The following SMN1 variants were observed in gnomAD, a reference collection of about 807,000 sequenced individuals.
SMN1 encodes the protein survival motor neuron protein.
For missense variants in SMN1, 15 were observed against 17.1 expected, an observed-to-expected ratio of 0.88 and a Z score of 0.22; for synonymous variants, 3 against 5.1, an observed-to-expected ratio of 0.58 and a Z score of 0.56.
At chr5:70,958,909 T>C, downstream of SMN1, among the ~76,000 whole-genome samples, 1 of 150,144 alleles carries the variant, frequency 6.7e-6, no homozygotes, top group East Asian at 1.9e-4. Flanking sequence ...TTACTGGGTA[T>C]ATACCCAAAG....
rs1376076326 is a variant in SMN1 at position 70,950,637 on chromosome 5, G to GT, written c.835-1298dup. 8.0e-5 allele frequency among the ~76,000 whole-genome samples: 10 copies of GT among 124,854 alleles called. No homozygotes were observed. The East Asian group carries it at 1.2e-3, about 15-fold the overall frequency. The allele number at this position is 124,854 out of a possible 152,430, so 81.9% of individuals were successfully genotyped here. A position where few individuals can be genotyped will look rare whatever the true frequency, so the allele number is the denominator to read the frequency against. On this transcript the variant is annotated intron_variant, in intron 7 of 8. Coordinates refer to ENST00000380707, the MANE Select transcript of SMN1 (RefSeq NM_000344.4). ...CCCAGCCAGTTTTGTGTTTTGTTTT[G>GT]TTTTTTGTTTTTTTTTTTTGAGAGG...
At chr5:70,948,540 ACT>A (rs1749607308) in intron 7 of SMN1, among the ~76,000 whole-genome samples, 2 of 63,140 alleles carry the variant, frequency 3.2e-5, no homozygotes, top group Non-Finnish European at 3.3e-5. Flanking sequence ...ACAGAGCGAG[ACT>A]CTGTCTCAAA....
downstream of SMN1, among the ~76,000 whole-genome samples, chr5:70,957,523 T>C: frequency 6.7e-6 from 1 of 149,892 alleles, no homozygotes; most frequent in Non-Finnish European, 1.5e-5. Flanking sequence ...GTTTTTAGCA[T>C]GAAGGATTGT....
At chr5:70,959,797 T>G in the SMN1 span, among the ~76,000 whole-genome samples, 1 of 52,086 alleles carries the variant, frequency 1.9e-5, no homozygotes, top group Admixed American at 2.6e-4. Context: ...CACGCCACCA[T>G]GCCCGGCTAA....
the SMN1 span, among the ~76,000 whole-genome samples, chr5:70,959,427 A>G: frequency 7.2e-6 from 1 of 139,224 alleles, no homozygotes; most frequent in Non-Finnish European, 1.6e-5. Flanking sequence ...AATAAGAAAA[A>G]TGCAAAAATT....
chr5:70,955,332 C>T (rs1749878867), downstream of SMN1, among the ~76,000 whole-genome samples: 1 of 144,542 alleles, frequency 6.9e-6, no homozygotes. Flanking sequence ...TCTCGAGTTC[C>T]TGGGTTCAAG....
chr5:70,960,139 C>T, the SMN1 span, among the ~76,000 whole-genome samples: 2 of 150,522 alleles, frequency 1.3e-5, 1 homozygote, highest in Non-Finnish European at 3.0e-5. Context: ...AGTTCAGCAC[C>T]TTTTCATGTG....
intron 7 of SMN1, 56 bp from the exon 8 acceptor site, chr5:70,951,885 A>G: frequency 1.3e-6 from 2 of 1,497,274 alleles, no homozygotes; most frequent in Non-Finnish European, 9.3e-7. Flanking sequence ...CTATCTATAT[A>G]TAGCTATCTA....
intron 7 of SMN1, among the ~76,000 whole-genome samples, chr5:70,949,961 A>G (rs1749630399): frequency 7.3e-6 from 1 of 137,466 alleles, no homozygotes; most frequent in African/African-American, 2.8e-5. Context: ...CCAGCTACTC[A>G]GGAGGCTGAG....
At chr5:70,955,263 T>C (rs1749875283), downstream of SMN1, among the ~76,000 whole-genome samples, 1 of 139,106 alleles carries the variant, frequency 7.2e-6, no homozygotes, top group African/African-American at 2.6e-5. Flanking sequence ...AGAGCAACTC[T>C]GCTTCTGTAC....
In SMN1 at chr5:70,951,978, A is replaced by G; in HGVS notation, c.872A>G (p.His291Arg). The change falls in exon 8 of 9, where the codon CAT becomes CGT. Residue 291 changes from histidine to arginine, a missense_variant. His to Arg is a conservative substitution (Grantham distance 29). Transcript: ENST00000380707. ...RQNQKEGRCS[H>R]SLN ...AATCAAAAAGAAGGAAGGTGCTCAC[A>G]TTCCTTAAATTAAGGAGTAAGTCTG... The G allele has an allele frequency of 1.2e-6, 2 of 1,613,088 alleles. No individual in the cohort carries two copies. The highest frequency in any genetic ancestry group is 1.7e-6 in the Non-Finnish European group (2 of 1,179,376).
downstream of SMN1, among the ~76,000 whole-genome samples, chr5:70,957,112 CTGTT>C (rs1461122510): frequency 3.3e-5 from 2 of 60,908 alleles, no homozygotes; most frequent in Admixed American, 2.2e-4. Flanking sequence ...ATTTGGCTCT[CTGTT>C]TGTCTGTTAT....
chr5:70,950,381 C>T (rs1749657076), intron 7 of SMN1, among the ~76,000 whole-genome samples: 1 of 148,168 alleles, frequency 6.7e-6, no homozygotes, highest in Non-Finnish European at 1.5e-5. Context: ...TGCACCATTG[C>T]ACTCCAGCCT....
At chr5:70,959,054 C>T in the SMN1 span, among the ~76,000 whole-genome samples, 1 of 150,752 alleles carries the variant, frequency 6.6e-6, no homozygotes, top group African/African-American at 2.4e-5. Context: ...GGCACATATA[C>T]ACCATGGAAT....
chr5:70,954,840 G>A (rs575569227), downstream of SMN1, among the ~76,000 whole-genome samples: 15 of 23,084 alleles, frequency 6.5e-4, 3 homozygotes, highest in Middle Eastern at 0.024. Context: ...GCTAAAAAGC[G>A]AGACTCCGTC....
the SMN1 span, among the ~76,000 whole-genome samples, chr5:70,959,423 A>C: frequency 7.4e-6 from 1 of 135,544 alleles, no homozygotes. Flanking sequence ...ATAAAATAAG[A>C]AAAATGCAAA....
chr5:70,959,445 T>TA, the SMN1 span, among the ~76,000 whole-genome samples: 1 of 128,756 alleles, frequency 7.8e-6, no homozygotes, highest in African/African-American at 2.7e-5. Flanking sequence ...ATTAAAAATT[T>TA]AAAAAAAAGC....
intron 7 of SMN1, among the ~76,000 whole-genome samples, chr5:70,950,143 C>T (rs1039549920): frequency 6.0e-5 from 9 of 149,420 alleles, no homozygotes; most frequent in South Asian, 2.1e-4. Context: ...ATCAGCTGGG[C>T]GCAGTGGCTC....
intron 5 of SMN1, among the ~76,000 whole-genome samples, chr5:70,943,745 T>C (rs1580887524): frequency 7.2e-6 from 1 of 138,322 alleles, no homozygotes; most frequent in East Asian, 2.0e-4. Context: ...CTAGTTCTTT[T>C]GTGTAAAGCG....
Sources: allele counts gnomAD v4.1 joint callset (sites outside exome capture counted in the v4.1 genomes callset), GRCh38; gene constraint gnomAD v4.1.1; transcripts MANE v1.5; gene names NCBI Gene and HGNC (gene_info 2026-07-23, HGNC 2026-07-21).